Variants in ZNF792 observed in about 807,000 individuals in gnomAD.
ZNF792 encodes the protein zinc finger protein 792.
In ZNF792, 14 loss-of-function variants were observed where a neutral mutation model predicts 13.1. The ratio of observed to expected loss-of-function variants is 1.07; its 90% CI spans 0.71 to 1.67. The LOEUF (loss-of-function observed/expected upper bound fraction) is 1.67, where lower values mean the gene tolerates loss of function less well. Ranked by LOEUF, ZNF792 falls within the 40% of genes most tolerant of loss-of-function variation. The probability of loss-of-function intolerance (pLI) is 0.00; values close to 1 mark genes in which losing one functional copy is unlikely to be tolerated. For synonymous variants in ZNF792, 257 were observed against 292.0 expected, an observed-to-expected ratio of 0.88 and a Z score of 1.22; for missense variants, 740 against 807.9, an observed-to-expected ratio of 0.92 and a Z score of 1.02.
chr19:34,958,929 G>T lies in ZNF792; in HGVS notation c.926C>A (p.Pro309Gln), dbSNP rs142244949. Residue 309 changes from proline (P) to glutamine (Q), a missense_variant, in exon 4 of 4, where the codon CCG becomes CAG. By Grantham distance (76) the Pro-to-Gln change is moderately conservative. Transcript: ENST00000404801. ...TTTTCCACATTCACAGCACTCATAC[G>T]GTTTTCCTCTATTGTGAACTTTCTG... Reference protein sequence around the residue: ...QHQKVHNRGKPYECCECGKFF... With the variant: ...QHQKVHNRGKQYECCECGKFF... 1.2e-6 allele frequency: 2 copies of T among 1,613,810 alleles called. No individual in the cohort carries two copies. Among genetic ancestry groups the T allele is most frequent in the East Asian group, 2.2e-5 (1 of 44,892 alleles).
intron 1 of ZNF792, 29 bp downstream of exon 1, chr19:34,963,600 CA>C: frequency 6.3e-7 from 1 of 1,596,298 alleles, no homozygotes; most frequent in Non-Finnish European, 8.5e-7. Flanking sequence ...GGGGGGCCGA[CA>C]GCGAAGGGCC....
chr19:34,959,693 C>T (rs1224455483), intron 3 of ZNF792, 122 bp from the exon 4 acceptor site: 9 of 1,101,268 alleles, frequency 8.2e-6, no homozygotes, highest in Non-Finnish European at 1.1e-5. Context: ...CAAGAAGGCT[C>T]AGGTCAGGGT....
chr19:34,959,497 T>C lies in ZNF792; in HGVS notation c.358A>G (p.Arg120Gly). Residue 120 changes from arginine (R) to glycine (G), a missense_variant, in exon 4 of 4, where the codon AGG (arginine) becomes GGG (glycine). Transcript: ENST00000404801. ...GGGCACAGAGTTGCCTCGGGACTCC[T>C]GTCCTGTGCCACTCCTTCTACAGAA... Reference protein sequence around the residue: ...NVSVEGVAQDRSPEATLCPQK... With the variant: ...NVSVEGVAQDGSPEATLCPQK... 1 of 1,605,616 alleles carries C rather than the reference T, an allele frequency of 6.2e-7. No homozygotes were observed. The highest frequency in any genetic ancestry group is 8.5e-7 in the Non-Finnish European group (1 of 1,175,292).
intron 3 of ZNF792, 101 bp from the exon 4 acceptor site, chr19:34,959,672 T>C (rs889257890): frequency 7.8e-7 from 1 of 1,289,968 alleles, no homozygotes; most frequent in South Asian, 1.7e-5. Flanking sequence ...CCCATGGGAT[T>C]GTTGGCAACA....
rs1399886026 is a variant in ZNF792 at position 34,957,357 on chromosome 19, G to C, written c.*599C>G. 6.6e-6 allele frequency: 1 copy of C among 152,170 alleles called. No homozygotes were observed. Among genetic ancestry groups the C allele is most frequent in the Non-Finnish European group, 1.5e-5 (1 of 68,068 alleles). The allele number at this position is 152,170 out of a possible 1,614,324, so 9.4% of individuals were successfully genotyped here. ...GGCAATGCAAATGAGGTCAAATCTG[G>C]ATTGACAGTTGTTTCTCTGCCATCC... On this transcript the variant is annotated 3_prime_UTR_variant, in exon 4 of 4. Coordinates refer to ENST00000404801, the MANE Select transcript of ZNF792 (RefSeq NM_175872.5).
chr19:34,959,172 C>T lies in ZNF792; in HGVS notation c.683G>A (p.Cys228Tyr), dbSNP rs752130173. The T allele has an allele frequency of 3.1e-5, 50 of 1,614,008 alleles. No homozygotes were observed. The South Asian group carries it at 5.4e-4, about 17-fold the overall frequency. The change falls in exon 4 of 4, where the codon TGT becomes TAT. Residue 228 changes from cysteine (C) to tyrosine (Y), a missense_variant. Physicochemically the swap from Cys to Tyr is radical, Grantham distance 194. Transcript: ENST00000404801. ...DFVATAGFLQ[C>Y]EVTPSDGEPH... is the part of the protein sequence containing the mutation. ...CTCCCCATCGCTGGGAGTGACCTCA[C>T]ACTGCAGAAACCCTGCTGTGGCCAC...
intron 3 of ZNF792, 43 bp from the exon 4 acceptor site, chr19:34,959,614 T>C (rs772072533): frequency 2.0e-6 from 3 of 1,509,640 alleles, no homozygotes; most frequent in South Asian, 1.4e-5. Flanking sequence ...TAAACTTTAA[T>C]AGAAGGAAAG....
chr19:34,958,580 GT>G lies in ZNF792; in HGVS notation c.1274del (p.Asn425ThrfsTer18), dbSNP rs1568551868. On this transcript the variant is annotated frameshift_variant, in exon 4 of 4. Coordinates refer to ENST00000404801, the MANE Select transcript of ZNF792 (RefSeq NM_175872.5). LOFTEE classifies it low-confidence loss of function (END_TRUNC). ...VHTGERPYKC[N>X]ECGKFFSHIA... is the part of the protein sequence containing the mutation. ...TGTGGCTGAAGAATTTCCCACATTC[GT>G]TACACTTGTAAGGTCTTTCTCCAGT... 3 of 1,604,254 alleles carry G rather than the reference GT, an allele frequency of 1.9e-6. No homozygotes were observed.
In ZNF792 at chr19:34,958,581, T is replaced by C. The variant is rs867946922; in HGVS notation, c.1274A>G (p.Asn425Ser). The C allele has an allele frequency of 6.2e-7, 1 of 1,604,790 alleles. No individual in the cohort carries two copies. The highest frequency in any genetic ancestry group is 2.2e-5 in the East Asian group (1 of 44,772). ...GTGGCTGAAGAATTTCCCACATTCG[T>C]TACACTTGTAAGGTCTTTCTCCAGT... ...VHTGERPYKCNECGKFFSHIA... is the reference protein window; with the variant it reads ...VHTGERPYKCSECGKFFSHIA... Residue 425 changes from asparagine (N) to serine (S), a missense_variant, in exon 4 of 4, where the codon AAC becomes AGC. Physicochemically the swap from Asn to Ser is conservative, Grantham distance 46. Coordinates refer to ENST00000404801, the MANE Select transcript of ZNF792 (RefSeq NM_175872.5).
In ZNF792 at chr19:34,963,576, G is replaced by T. The variant is rs753928457; in HGVS notation, c.33+54C>A. The stretch of plus-strand genomic sequence containing the variant: ...AAGCCATCTTTTGCGTCTCAACACC[G>T]AGAACAGAAGCGTGGGGGGCCGACA... On this transcript the variant is annotated intron_variant, in intron 1 of 3. Transcript: ENST00000404801. 7 of 1,582,614 alleles carry T rather than the reference G, an allele frequency of 4.4e-6. No individual in the cohort carries two copies. In the Admixed American group the frequency reaches 9.2e-5, roughly 21 times the overall value.
At position 34,958,963 on chromosome 19, in the gene ZNF792, T is replaced by C. The variant is rs1328445038; in HGVS notation, c.892A>G (p.Thr298Ala). ...CTATTGTGAACTTTCTGGTGTTGAG[T>C]GAGGTCAGCGGCGTAAGTGAAGAAG... ...GIFFTYAADL[T>A]QHQKVHNRGK... The change falls in exon 4 of 4, where the codon ACT becomes GCT. Residue 298 changes from threonine to alanine, a missense_variant. Coordinates refer to ENST00000404801, the MANE Select transcript of ZNF792 (RefSeq NM_175872.5). The C allele has an allele frequency of 3.7e-6, 6 of 1,614,116 alleles. No individual in the cohort carries two copies. The highest frequency in any genetic ancestry group is 1.1e-5 in the South Asian group (1 of 91,080).
intron 3 of ZNF792, 45 bp from the exon 4 acceptor site, chr19:34,959,616 G>C: frequency 6.6e-7 from 1 of 1,507,846 alleles, no homozygotes; most frequent in Non-Finnish European, 8.9e-7. Flanking sequence ...AACTTTAATA[G>C]AAGGAAAGAG....
chr19:34,958,571 C>A lies in ZNF792; in HGVS notation c.1284G>T (p.Gly428=). The change falls in exon 4 of 4, where the codon GGG becomes GGT. Residue 428 remains glycine (G), a synonymous_variant. Coordinates refer to ENST00000404801, the MANE Select transcript of ZNF792 (RefSeq NM_175872.5). The part of the protein sequence containing the change: ...GERPYKCNEC[G]KFFSHIASLI... ...GGCTGGCAATGTGGCTGAAGAATTT[C>A]CCACATTCGTTACACTTGTAAGGTC... is the stretch of plus-strand genomic sequence containing the variant. 6.2e-7 allele frequency: 1 copy of A among 1,602,180 alleles called. No individual in the cohort carries two copies. Among genetic ancestry groups the A allele is most frequent in the Non-Finnish European group, 8.5e-7 (1 of 1,173,060 alleles).
Position 34,957,808 on chromosome 19 carries a change from T to C in ZNF792, c.*148A>G, listed in dbSNP as rs557834363. On this transcript the variant is annotated 3_prime_UTR_variant, in exon 4 of 4. Coordinates refer to ENST00000404801, the MANE Select transcript of ZNF792 (RefSeq NM_175872.5). ...AGAGGTCTGCCTTCCCTGAGCACAGTGGAGTGGTGGACACACTCTTTGGAG... is the reference window on the plus strand; with the variant it reads ...AGAGGTCTGCCTTCCCTGAGCACAGCGGAGTGGTGGACACACTCTTTGGAG... 8.8e-5 allele frequency: 65 copies of C among 737,122 alleles called. No homozygotes were observed. In the East Asian group the frequency reaches 1.8e-3, roughly 20 times the overall value. The allele number at this position is 737,122 out of a possible 1,614,324, so 45.7% of individuals were successfully genotyped here. A position where few individuals can be genotyped will look rare whatever the true frequency, so the allele number is the denominator to read the frequency against.
At position 34,963,860 on chromosome 19, in the gene ZNF792, C is replaced by G. The variant is rs1284712640; in HGVS notation, c.-198G>C. 4 of 605,918 alleles carry G rather than the reference C, an allele frequency of 6.6e-6. No individual in the cohort carries two copies. Among genetic ancestry groups the G allele is most frequent in the Non-Finnish European group, 1.1e-5 (4 of 364,336 alleles). The allele number at this position is 605,918 out of a possible 1,614,324, so 37.5% of individuals were successfully genotyped here. A position where few individuals can be genotyped will look rare whatever the true frequency, so the allele number is the denominator to read the frequency against. On this transcript the variant is annotated 5_prime_UTR_variant, in exon 1 of 4. Coordinates refer to ENST00000404801, the MANE Select transcript of ZNF792 (RefSeq NM_175872.5). Reference sequence around the variant, plus strand: ...CCCGGGGCGCAGGCTCCGGGGGCGCCGAGAGCGCGCAGCTCCGCTGGGTAC... The same window carrying G: ...CCCGGGGCGCAGGCTCCGGGGGCGCGGAGAGCGCGCAGCTCCGCTGGGTAC...
intron 3 of ZNF792, among the ~76,000 whole-genome samples, chr19:34,959,831 C>T (rs2013499764): frequency 6.6e-6 from 1 of 152,206 alleles, no homozygotes; most frequent in Non-Finnish European, 1.5e-5. Flanking sequence ...ACTCACTTCT[C>T]TTTAAAGGCC....
At chr19:34,959,690 G>T in intron 3 of ZNF792, 119 bp from the exon 4 acceptor site, 2 of 1,125,236 alleles carry the variant, frequency 1.8e-6, no homozygotes, top group South Asian at 1.8e-5. Context: ...ACACAAGAAG[G>T]CTCAGGTCAG....
rs1485868954 is a variant in ZNF792 at position 34,959,518 on chromosome 19, C to T, written c.337G>A (p.Val113Ile). 1 of 1,585,604 alleles carries T rather than the reference C, an allele frequency of 6.3e-7. No individual in the cohort carries two copies. The highest frequency in any genetic ancestry group is 1.4e-5 in the African/African-American group (1 of 74,060). The change falls in exon 4 of 4, where the codon GTA (valine) becomes ATA (isoleucine). Residue 113 changes from valine (V) to isoleucine (I), a missense_variant. Coordinates refer to ENST00000404801, the MANE Select transcript of ZNF792 (RefSeq NM_175872.5). ...KDLPSEHNVS[V>I]EGVAQDRSPE... is the part of the protein sequence containing the mutation. ...CTCCTGTCCTGTGCCACTCCTTCTA[C>T]AGAAACGTTATGCTCAGAAGGTAAG...
intron 1 of ZNF792, among the ~76,000 whole-genome samples, chr19:34,962,883 A>G (rs544683051): frequency 6.6e-6 from 1 of 152,130 alleles, no homozygotes; most frequent in Non-Finnish European, 1.5e-5. Context: ...AATTCCTCCT[A>G]AAACCAACTT....
Sources: allele counts gnomAD v4.1 joint callset (sites outside exome capture counted in the v4.1 genomes callset), GRCh38; gene constraint gnomAD v4.1.1; transcripts MANE v1.5; gene names NCBI Gene and HGNC (gene_info 2026-07-23, HGNC 2026-07-21).